DAB1: variants seen among roughly 807,000 people sequenced by gnomAD.
DAB1 encodes the protein DAB adaptor protein 1.
A neutral mutation model predicts 64.6 loss-of-function variants in DAB1; 15 were observed. That is an observed-to-expected ratio of 0.23 (90% CI 0.16 to 0.36). DAB1 has a LOEUF of 0.36. DAB1 is among the 10% of genes least tolerant of loss of function. The pLI, the probability that DAB1 is intolerant of heterozygous loss-of-function variation, is 1.00. For synonymous variants in DAB1, 235 were observed against 251.9 expected (o/e 0.93, Z 0.64); for missense variants, 596 against 706.7 (o/e 0.84, Z 1.78).
intron 1 of DAB1, among the ~76,000 whole-genome samples, chr1:57,330,276 C>T (rs924010637): frequency 6.6e-6 from 1 of 152,108 alleles, no homozygotes; most frequent in African/African-American, 2.4e-5. Flanking sequence ...ACTCCAGGGA[C>T]GTAGTGTTAA....
At chr1:58,474,926 G>C (rs1645404380) in intron 3 of DAB1, among the ~76,000 whole-genome samples, 1 of 152,228 alleles carries the variant, frequency 6.6e-6, no homozygotes, top group Admixed American at 6.5e-5. Context: ...TGCCTCACGG[G>C]GTTGCTGTGA....
intron 7 of DAB1, among the ~76,000 whole-genome samples, chr1:57,590,735 A>AACACACACACACAC (rs58957864): frequency 1.7e-4 from 23 of 132,432 alleles, no homozygotes; most frequent in East Asian, 4.6e-4. Context: ...TGTAGTCCGT[A>AACACACACACACAC]ACACACACAC....
intron 4 of DAB1, among the ~76,000 whole-genome samples, chr1:58,230,634 C>A (rs1049001161): frequency 5.3e-5 from 8 of 152,226 alleles, no homozygotes; most frequent in Non-Finnish European, 1.2e-4. Context: ...TTACTCATGA[C>A]ATCTCAGGTT....
intron 1 of DAB1, among the ~76,000 whole-genome samples, chr1:57,830,369 G>A (rs1290087164): frequency 1.3e-5 from 2 of 152,124 alleles, no homozygotes; most frequent in Non-Finnish European, 2.9e-5. Flanking sequence ...TATGAGGTAG[G>A]CCTATTACTT....
intron 7 of DAB1, among the ~76,000 whole-genome samples, chr1:57,567,191 A>G (rs1645133468): frequency 6.6e-6 from 1 of 152,224 alleles, no homozygotes; most frequent in Non-Finnish European, 1.5e-5. Flanking sequence ...GATTATCTCA[A>G]TAGATGCAGA....
intron 1 of DAB1, chr1:58,533,986 G>A (rs1392532386): frequency 2.3e-6 from 2 of 871,586 alleles, no homozygotes; most frequent in East Asian, 2.4e-5. Flanking sequence ...CTATTTCATG[G>A]CCCAGAAGGA....
intron 1 of DAB1, among the ~76,000 whole-genome samples, chr1:57,335,725 G>A (rs998639463): frequency 2.6e-5 from 4 of 152,178 alleles, no homozygotes; most frequent in African/African-American, 9.7e-5. Flanking sequence ...TAACGAAAAT[G>A]AGGATTAAAA....
At position 57,185,393 on chromosome 1, in the gene DAB1, A is replaced by C. The variant is rs140399975; in HGVS notation, c.68-39964T>G. On this transcript the variant is annotated intron_variant, in intron 2 of 14. Coordinates refer to ENST00000371236, the MANE Select transcript of DAB1 (RefSeq NM_001365792.1). ...AGAATTTGCAGATTGTTAAGTGTAC[A>C]TGCTTCTGGCTTGAATACCTGGGCA... Among the ~76,000 whole-genome samples the C allele has an allele frequency of 3.2e-3, 494 of 152,268 alleles. 1 individual carries two copies. Among genetic ancestry groups the C allele is most frequent in the African/African-American group, 0.011 (475 of 41,564 alleles).
At chr1:57,791,624 G>A (rs551510056) in intron 6 of DAB1, among the ~76,000 whole-genome samples, 2 of 152,180 alleles carry the variant, frequency 1.3e-5, no homozygotes, top group African/African-American at 4.8e-5. Context: ...AGTGAGACAA[G>A]CCATGTAAAG....
chr1:57,776,443 G>GT (rs1408625111), intron 6 of DAB1, among the ~76,000 whole-genome samples: 1 of 151,662 alleles, frequency 6.6e-6, no homozygotes, highest in Non-Finnish European at 1.5e-5. Context: ...TACATTTAAT[G>GT]TAGTTACTGA....
At chr1:58,473,541 C>CAA (rs1295620920) in intron 3 of DAB1, among the ~76,000 whole-genome samples, 3 of 115,302 alleles carry the variant, frequency 2.6e-5, no homozygotes, top group African/African-American at 1.1e-4. Context: ...GACTCCGTCT[C>CAA]AAAAAAATAA....
chr1:57,283,677 G>A (rs1458665978), intron 2 of DAB1, among the ~76,000 whole-genome samples: 1 of 152,174 alleles, frequency 6.6e-6, no homozygotes, highest in Non-Finnish European at 1.5e-5. Context: ...TCTAAAACAT[G>A]GGCTCTTTTC....
At chr1:57,504,447 G>A (rs1023311620) in intron 7 of DAB1, among the ~76,000 whole-genome samples, 13 of 152,040 alleles carry the variant, frequency 8.6e-5, no homozygotes, top group Admixed American at 8.5e-4. Flanking sequence ...AGCTTCCAGT[G>A]GTAAATATTG....
chr1:58,234,371 T>C (rs2100359313), intron 4 of DAB1, among the ~76,000 whole-genome samples: 1 of 152,194 alleles, frequency 6.6e-6, no homozygotes, highest in African/African-American at 2.4e-5. Flanking sequence ...GTAGGTGACA[T>C]GAGGGGAAAA....
intron 1 of DAB1, among the ~76,000 whole-genome samples, chr1:58,528,787 A>G (rs1256173118): frequency 6.6e-6 from 1 of 152,190 alleles, no homozygotes; most frequent in Non-Finnish European, 1.5e-5. Context: ...CTGCTCTCCA[A>G]TCACAGTGAG....
intron 2 of DAB1, among the ~76,000 whole-genome samples, chr1:57,185,320 A>C (rs887927535): frequency 1.3e-5 from 2 of 152,180 alleles, no homozygotes; most frequent in Non-Finnish European, 2.9e-5. Context: ...GGAGGCCTGA[A>C]GACCAGTTAC....
intron 7 of DAB1, among the ~76,000 whole-genome samples, chr1:57,482,741 G>A (rs1161237103): frequency 6.6e-6 from 1 of 152,148 alleles, no homozygotes; most frequent in African/African-American, 2.4e-5. Context: ...TTAATGAGAT[G>A]TTTGCCTCAA....
chr1:57,649,886 G>A (rs1166818257), intron 6 of DAB1, among the ~76,000 whole-genome samples: 1 of 152,190 alleles, frequency 6.6e-6, no homozygotes, highest in Admixed American at 6.5e-5. Flanking sequence ...ATGCCTCTTA[G>A]AAGAGAATCA....
chr1:58,209,711 T>C (rs1658456280), intron 4 of DAB1, among the ~76,000 whole-genome samples: 1 of 152,218 alleles, frequency 6.6e-6, no homozygotes, highest in Admixed American at 6.5e-5. Flanking sequence ...AGTGTATTTT[T>C]CTAACAAGTT....
Sources: gnomAD v4.1 joint callset for allele counts (sites outside exome capture counted in the v4.1 genomes callset) on GRCh38, gnomAD v4.1.1 for gene constraint, MANE v1.5 for transcripts, NCBI Gene and HGNC (gene_info 2026-07-23, HGNC 2026-07-21) for gene names.